The following IMPG1 variants were observed in gnomAD, a reference collection of about 807,000 sequenced individuals.
IMPG1 encodes interphotoreceptor matrix proteoglycan of 150 kDa.
IMPG1 carries 85 observed loss-of-function variants against 92.0 expected under a neutral mutation model. That is an observed-to-expected ratio of 0.92 (90% CI 0.78 to 1.11). The LOEUF is 1.11. Ranked by LOEUF, IMPG1 falls within the 50% of genes least tolerant of loss-of-function variation. The pLI, the probability that IMPG1 is intolerant of heterozygous loss-of-function variation, is 0.00. For synonymous variants in IMPG1, 367 were observed against 334.1 expected (o/e 1.10, Z -1.08); for missense variants, 1,022 against 956.0 (o/e 1.07, Z -0.91).
At chr6:76,028,991 A>G (rs1331368727) in intron 4 of IMPG1, among the ~76,000 whole-genome samples, 10 of 152,242 alleles carry the variant, frequency 6.6e-5, no homozygotes, top group African/African-American at 2.2e-4. Flanking sequence ...TTTTGCAACA[A>G]GACACAATTG....
At chr6:76,042,355 A>G (rs566042212) in intron 1 of IMPG1, among the ~76,000 whole-genome samples, 79 of 152,254 alleles carry the variant, frequency 5.2e-4, no homozygotes, top group African/African-American at 1.9e-3. Context: ...AATGTCTCAA[A>G]TCATCTTGCC....
At chr6:76,000,154 C>A (rs1174258838) in intron 12 of IMPG1, among the ~76,000 whole-genome samples, 1 of 152,216 alleles carries the variant, frequency 6.6e-6, no homozygotes, top group Non-Finnish European at 1.5e-5. Context: ...TTTACACAGC[C>A]TGTTAAGAAG....
At chr6:76,015,800 C>CAAAAAAAAAAAAAAAAAAA (rs35389302) in intron 7 of IMPG1, among the ~76,000 whole-genome samples, 5 of 66,742 alleles carry the variant, frequency 7.5e-5, no homozygotes, top group African/African-American at 1.2e-4. Flanking sequence ...AACTCTGTCT[C>CAAAAAAAAAAAAAAAAAAA]AAAAAAAAAA....
intron 15 of IMPG1, among the ~76,000 whole-genome samples, chr6:75,924,625 A>ATTATATATTATATATAATT (rs1462687163): frequency 6.0e-5 from 1 of 16,682 alleles, no homozygotes; most frequent in Non-Finnish European, 1.0e-4. Context: ...AATATATAAT[A>ATTATATATTATATATAATT]AATTATATAT....
At chr6:75,987,460 C>G (rs1782736527) in intron 12 of IMPG1, among the ~76,000 whole-genome samples, 1 of 143,846 alleles carries the variant, frequency 7.0e-6, no homozygotes, top group Non-Finnish European at 1.5e-5. Context: ...CCCCTCCCCC[C>G]TGCCCCCACC....
At chr6:76,058,021 T>G (rs571825916) in intron 1 of IMPG1, among the ~76,000 whole-genome samples, 6 of 152,224 alleles carry the variant, frequency 3.9e-5, no homozygotes, top group African/African-American at 1.2e-4. Flanking sequence ...GTTGTGGTTT[T>G]TTTCATTGTT....
chr6:76,026,503 G>A (rs1006340130), intron 4 of IMPG1, among the ~76,000 whole-genome samples: 10 of 152,102 alleles, frequency 6.6e-5, no homozygotes, highest in South Asian at 4.1e-4. Context: ...GCAGCTCCCC[G>A]CTGCTCTCCC....
intron 14 of IMPG1, among the ~76,000 whole-genome samples, chr6:75,938,041 C>G (rs1247892740): frequency 1.3e-5 from 2 of 152,250 alleles, no homozygotes; most frequent in African/African-American, 4.8e-5. Context: ...CTGTGACTTA[C>G]TCGGTTTTTC....
chr6:75,950,478 C>G, intron 13 of IMPG1, 84 bp downstream of exon 13: 8 of 1,252,092 alleles, frequency 6.4e-6, no homozygotes, highest in Non-Finnish European at 8.7e-6. Flanking sequence ...ACTAATTGCT[C>G]AAGACAGCCA....
In IMPG1 at chr6:76,023,360, T is replaced by C. The variant is rs1240962399; in HGVS notation, c.563-1141A>G. Among the ~76,000 whole-genome samples the C allele has an allele frequency of 2.6e-5, 4 of 152,196 alleles. No individual in the cohort carries two copies. In the East Asian group the frequency reaches 5.8e-4, roughly 22 times the overall value. ...AATTCTATGAATAATCGGTTTATGC[T>C]ACAATTTTTGTTACAATAAAAAAGT... On this transcript the variant is annotated intron_variant, in intron 5 of 16. Coordinates refer to ENST00000369950, the MANE Select transcript of IMPG1 (RefSeq NM_001563.4).
At chr6:75,970,229 C>G (rs1782382607) in intron 12 of IMPG1, among the ~76,000 whole-genome samples, 1 of 151,982 alleles carries the variant, frequency 6.6e-6, no homozygotes. Context: ...TAAATTATGC[C>G]TTTTCTAAGT....
intron 1 of IMPG1, among the ~76,000 whole-genome samples, chr6:76,044,198 T>C (rs1288176405): frequency 6.6e-6 from 1 of 152,232 alleles, no homozygotes; most frequent in African/African-American, 2.4e-5. Context: ...TAGTACCCAT[T>C]ACAGTTAGTA....
At chr6:75,925,659 T>C (rs1781537345) in intron 15 of IMPG1, among the ~76,000 whole-genome samples, 1 of 131,730 alleles carries the variant, frequency 7.6e-6, no homozygotes, top group African/African-American at 2.8e-5. Flanking sequence ...AGACCCTATC[T>C]GTGTTTTTTA....
chr6:75,993,984 A>C (rs2149474099), intron 12 of IMPG1, among the ~76,000 whole-genome samples: 1 of 152,306 alleles, frequency 6.6e-6, no homozygotes. Context: ...GCATGGTGCA[A>C]GCCTCTCCTC....
At chr6:75,923,202 T>C (rs903149554) in intron 16 of IMPG1, among the ~76,000 whole-genome samples, 1 of 152,134 alleles carries the variant, frequency 6.6e-6, no homozygotes, top group African/African-American at 2.4e-5. Context: ...TTTACGAATT[T>C]TTGAAGTTAC....
intron 1 of IMPG1, among the ~76,000 whole-genome samples, chr6:76,052,872 A>G (rs1223034448): frequency 7.9e-5 from 12 of 152,174 alleles, no homozygotes; most frequent in African/African-American, 2.9e-4. Flanking sequence ...TGTGAAACTG[A>G]GGTAAGAACA....
intron 12 of IMPG1, among the ~76,000 whole-genome samples, chr6:75,997,791 T>A (rs925566864): frequency 2.0e-5 from 3 of 152,116 alleles, no homozygotes; most frequent in Admixed American, 1.3e-4. Flanking sequence ...TAAGAACATA[T>A]CTTTTTACTT....
At chr6:75,970,425 C>T (rs1014563658) in intron 12 of IMPG1, among the ~76,000 whole-genome samples, 2 of 151,842 alleles carry the variant, frequency 1.3e-5, no homozygotes, top group African/African-American at 2.4e-5. Context: ...ACTAAACAAA[C>T]GTGCTGAATC....
At chr6:76,034,531 G>A (rs886304892) in intron 3 of IMPG1, 90 bp downstream of exon 3, 48 of 1,406,232 alleles carry the variant, frequency 3.4e-5, no homozygotes, top group East Asian at 1.1e-4. Context: ...TAACCCTTAC[G>A]TTGTGGAAAC....
Sources: allele counts gnomAD v4.1 joint callset (sites outside exome capture counted in the v4.1 genomes callset), GRCh38; gene constraint gnomAD v4.1.1; transcripts MANE v1.5; gene names NCBI Gene and HGNC (gene_info 2026-07-23, HGNC 2026-07-21).